DRD3: variants seen among roughly 807,000 people sequenced by gnomAD.
The protein encoded by DRD3 is dopamine receptor D3, also known as D(3) dopamine receptor.
A neutral mutation model predicts 36.3 loss-of-function variants in DRD3; 19 were observed. The observed-to-expected ratio is 0.52, with a 90% CI of 0.36 to 0.77. DRD3 has a LOEUF of 0.77. Among genes scored for constraint, DRD3 ranks in the 30% least tolerant of loss-of-function variants. The pLI, the probability that DRD3 is intolerant of heterozygous loss-of-function variation, is 0.00. For missense variants in DRD3, 465 were observed against 505.3 expected (o/e 0.92, Z 0.77); for synonymous variants, 195 against 203.7 (o/e 0.96, Z 0.36).
intron 2 of DRD3, among the ~76,000 whole-genome samples, chr3:114,163,769 A>G (rs572062186): frequency 6.8e-4 from 103 of 152,256 alleles, no homozygotes; most frequent in African/African-American, 2.3e-3. Context: ...ATGTGTGCCT[A>G]TTACCAGAAG....
intron 1 of DRD3, among the ~76,000 whole-genome samples, chr3:114,198,942 C>A (rs1317669182): frequency 6.6e-6 from 1 of 152,086 alleles, no homozygotes; most frequent in Non-Finnish European, 1.5e-5. Flanking sequence ...TACAGTGTCT[C>A]ATTATGTTGC....
rs537390183 is a variant in DRD3, at chr3:114,176,953, A to G, written c.-36+1704T>C. ...TAGATAAAAAAGGTGAGTCACAGAGAGGTTAAATATCTTGCTGAGATCACA... is the reference window on the plus strand; with the variant it reads ...TAGATAAAAAAGGTGAGTCACAGAGGGGTTAAATATCTTGCTGAGATCACA... On this transcript the variant is annotated intron_variant, in intron 1 of 6. Transcript: ENST00000383673. Among the ~76,000 whole-genome samples the G allele has an allele frequency of 2.6e-5, 4 of 152,358 alleles. No homozygotes were observed. The South Asian group carries it at 6.2e-4, about 24-fold the overall frequency.
intron 1 of DRD3, among the ~76,000 whole-genome samples, chr3:114,193,258 GAC>G (rs2078021176): frequency 6.6e-6 from 1 of 152,104 alleles, no homozygotes; most frequent in African/African-American, 2.4e-5. Context: ...CAGCCTGGGC[GAC>G]AGAGTGAGAC....
chr3:114,149,016 G>A (rs577862708), intron 3 of DRD3, among the ~76,000 whole-genome samples: 12 of 152,244 alleles, frequency 7.9e-5, no homozygotes, highest in East Asian at 5.8e-4. Context: ...CTCAGCCTTG[G>A]TCATTTATTC....
intron 1 of DRD3, among the ~76,000 whole-genome samples, chr3:114,193,772 A>C (rs888319707): frequency 3.3e-5 from 5 of 152,224 alleles, no homozygotes; most frequent in African/African-American, 1.2e-4. Flanking sequence ...GGAATATCAA[A>C]TTCCAGAAAA....
At chr3:114,180,478 C>A (rs1241692753), upstream of DRD3, among the ~76,000 whole-genome samples, 4 of 151,994 alleles carry the variant, frequency 2.6e-5, no homozygotes, top group Non-Finnish European at 5.9e-5. Context: ...AATGTGCACA[C>A]AGAGGAAAGG....
intron 2 of DRD3, among the ~76,000 whole-genome samples, chr3:114,163,276 T>TC (rs1371151579): frequency 2.6e-5 from 4 of 151,738 alleles, no homozygotes; most frequent in Non-Finnish European, 5.9e-5. Context: ...TGAATTTTTT[T>TC]TTTTCTATTG....
At chr3:114,152,731 A>C (rs1280474827) in intron 3 of DRD3, among the ~76,000 whole-genome samples, 1 of 152,152 alleles carries the variant, frequency 6.6e-6, no homozygotes, top group Non-Finnish European at 1.5e-5. Context: ...TGCTTCCTGG[A>C]ACCCTGCAGG....
At chr3:114,195,739 G>A (rs900276797) in intron 1 of DRD3, among the ~76,000 whole-genome samples, 3 of 151,942 alleles carry the variant, frequency 2.0e-5, no homozygotes, top group Non-Finnish European at 2.9e-5. Context: ...TAAATATAAA[G>A]CATTTATATT....
intron 1 of DRD3, among the ~76,000 whole-genome samples, chr3:114,177,797 T>G (rs1375885933): frequency 6.6e-6 from 1 of 152,178 alleles, no homozygotes; most frequent in Admixed American, 6.5e-5. Context: ...TTGTCTCTAC[T>G]TCTCCTTGAC....
intron 2 of DRD3, among the ~76,000 whole-genome samples, chr3:114,160,750 G>A (rs907628475): frequency 1.2e-4 from 19 of 152,162 alleles, no homozygotes; most frequent in African/African-American, 4.3e-4. Flanking sequence ...GGGAATCTAT[G>A]TAAAATAAGT....
chr3:114,188,428 C>T (rs1415795738), intron 1 of DRD3, among the ~76,000 whole-genome samples: 6 of 151,962 alleles, frequency 3.9e-5, no homozygotes, highest in African/African-American at 1.5e-4. Context: ...CCCAGGCTGG[C>T]CTTGAACTCC....
intron 2 of DRD3, among the ~76,000 whole-genome samples, chr3:114,171,284 A>AT (rs113588519): frequency 0.086 from 12,850 of 150,080 alleles, 642 homozygotes; most frequent in South Asian, 0.15. Context: ...ACATTCACTA[A>AT]TTTTTTTTTT....
intron 2 of DRD3, among the ~76,000 whole-genome samples, chr3:114,166,080 G>A (rs950839555): frequency 1.9e-4 from 29 of 151,422 alleles, no homozygotes; most frequent in Non-Finnish European, 3.7e-4. Flanking sequence ...CTGCCTCCCG[G>A]GTTCAAGCGA....
chr3:114,161,730 C>T (rs552493781), intron 2 of DRD3, among the ~76,000 whole-genome samples: 14 of 152,144 alleles, frequency 9.2e-5, no homozygotes, highest in South Asian at 2.1e-4. Context: ...ATAAGAATTC[C>T]GATCTAAAGA....
At chr3:114,143,581 C>G (rs1273405469) in intron 4 of DRD3, among the ~76,000 whole-genome samples, 1 of 152,186 alleles carries the variant, frequency 6.6e-6, no homozygotes, top group African/African-American at 2.4e-5. Context: ...CAGCTTGATT[C>G]CAAAGACATG....
chr3:114,180,529 G>T (rs1160527027), upstream of DRD3, among the ~76,000 whole-genome samples: 1 of 152,066 alleles, frequency 6.6e-6, no homozygotes, highest in Non-Finnish European at 1.5e-5. Flanking sequence ...AAGGAGAGGG[G>T]TCTTGCAGGA....
intron 5 of DRD3, among the ~76,000 whole-genome samples, chr3:114,137,947 G>A (rs571584371): frequency 0.037 from 5,160 of 138,622 alleles, 104 homozygotes; most frequent in South Asian, 0.07. Flanking sequence ...GCAGTGAGCT[G>A]AGATTGCGCC....
intron 4 of DRD3, 111 bp from the exon 5 acceptor site, chr3:114,139,807 G>T (rs544113269): frequency 1.5e-5 from 15 of 982,614 alleles, no homozygotes; most frequent in Admixed American, 2.4e-5. Context: ...TGCTGCACAG[G>T]GGGTGGGAAG....
Sources: gnomAD v4.1 joint callset for allele counts (sites outside exome capture counted in the v4.1 genomes callset) on GRCh38, gnomAD v4.1.1 for gene constraint, MANE v1.5 for transcripts, NCBI Gene and HGNC (gene_info 2026-07-23, HGNC 2026-07-21) for gene names.